Variants in CFAP299 observed in about 807,000 individuals in gnomAD.
CFAP299 encodes cilia and flagella associated protein 299.
Under a neutral mutation model 27.0 loss-of-function variants are expected in CFAP299, and 21 were observed. The ratio of observed to expected loss-of-function variants is 0.78; its 90% CI spans 0.55 to 1.12. The LOEUF (loss-of-function observed/expected upper bound fraction) is 1.12, where lower values mean the gene tolerates loss of function less well. CFAP299 is among the 50% of genes most tolerant of loss of function. The probability of loss-of-function intolerance (pLI) is 0.00; values close to 1 mark genes in which losing one functional copy is unlikely to be tolerated. For synonymous variants in CFAP299, 104 were observed against 98.1 expected (o/e 1.06, Z -0.36); for missense variants, 310 against 276.6 (o/e 1.12, Z -0.86).
rs147575838 is a variant in CFAP299, at chr4:80,944,419, T to A, written c.477-391T>A. Among the ~76,000 whole-genome samples, 617 of 152,276 alleles carry A rather than the reference T, an allele frequency of 4.1e-3. 1 individual carries two copies. The highest frequency in any genetic ancestry group is 0.014 in the Middle Eastern group (4 of 294). On this transcript the variant is annotated intron_variant, in intron 4 of 5. Transcript: ENST00000358105. The stretch of plus-strand genomic sequence containing the variant: ...AGAAGTGAATTTATTTGGAATTGTT[T>A]TGAATGAAAAGAGGTGATTTAGTGA...
intron 4 of CFAP299, among the ~76,000 whole-genome samples, chr4:80,934,343 A>G (rs1007590500): frequency 1.3e-5 from 2 of 152,026 alleles, no homozygotes; most frequent in African/African-American, 4.8e-5. Flanking sequence ...ATTTTCATCT[A>G]TGTTTATCAG....
chr4:80,685,018 A>C (rs1720094807), intron 3 of CFAP299, among the ~76,000 whole-genome samples: 2 of 152,312 alleles, frequency 1.3e-5, no homozygotes, highest in South Asian at 4.1e-4. Context: ...AATTACATAT[A>C]ATTTAAATAT....
chr4:80,755,828 C>A (rs1396473969), intron 3 of CFAP299, among the ~76,000 whole-genome samples: 1 of 152,038 alleles, frequency 6.6e-6, no homozygotes, highest in Non-Finnish European at 1.5e-5. Flanking sequence ...TGTTCCTTTC[C>A]TATGGTGCTT....
intron 3 of CFAP299, among the ~76,000 whole-genome samples, chr4:80,732,071 A>T (rs1723561954): frequency 2.3e-5 from 2 of 88,574 alleles, no homozygotes; most frequent in East Asian, 6.4e-4. Context: ...AGACACACAG[A>T]CACACACACA....
intron 2 of CFAP299, among the ~76,000 whole-genome samples, chr4:80,416,771 G>T (rs1388076760): frequency 6.6e-6 from 1 of 152,170 alleles, no homozygotes; most frequent in African/African-American, 2.4e-5. Flanking sequence ...ATTTGGTAAG[G>T]TTCGTAACAC....
intron 5 of CFAP299, among the ~76,000 whole-genome samples, chr4:80,946,771 C>G (rs1214961693): frequency 3.3e-5 from 5 of 152,160 alleles, no homozygotes; most frequent in Admixed American, 3.3e-4. Context: ...AACATACCTT[C>G]TCTCTAGTGG....
chr4:80,475,793 C>A (rs1730246570), intron 2 of CFAP299, among the ~76,000 whole-genome samples: 1 of 151,968 alleles, frequency 6.6e-6, no homozygotes, highest in Admixed American at 6.6e-5. Context: ...ATTAAGAACC[C>A]CTAAGGAGAG....
At chr4:80,576,623 T>C (rs1166240449) in intron 2 of CFAP299, among the ~76,000 whole-genome samples, 4 of 152,196 alleles carry the variant, frequency 2.6e-5, no homozygotes, top group African/African-American at 9.6e-5. Context: ...CTGTAAGCTA[T>C]GTTTTCATAG....
chr4:80,950,129 C>T (rs1401003585), intron 5 of CFAP299, among the ~76,000 whole-genome samples: 1 of 151,892 alleles, frequency 6.6e-6, no homozygotes, highest in Non-Finnish European at 1.5e-5. Flanking sequence ...CCCCAGTACT[C>T]AGAAAAGAAA....
At chr4:80,829,176 A>C (rs1017628046) in intron 3 of CFAP299, among the ~76,000 whole-genome samples, 26 of 152,056 alleles carry the variant, frequency 1.7e-4, no homozygotes, top group African/African-American at 6.0e-4. Flanking sequence ...CAAATCATAT[A>C]TCTGATAAGG....
chr4:80,386,720 T>G (rs1725027771), intron 2 of CFAP299: 1 of 1,564,724 alleles, frequency 6.4e-7, no homozygotes, highest in South Asian at 1.1e-5. Context: ...TTTGTGGAGC[T>G]TCATGCCGGA....
At chr4:80,684,185 G>A (rs1720023065) in intron 3 of CFAP299, among the ~76,000 whole-genome samples, 1 of 151,856 alleles carries the variant, frequency 6.6e-6, no homozygotes, top group Admixed American at 6.6e-5. Flanking sequence ...TCAGGTGTAT[G>A]TGACCATTGC....
At chr4:80,373,314 G>A (rs1464993799) in intron 2 of CFAP299, among the ~76,000 whole-genome samples, 1 of 152,028 alleles carries the variant, frequency 6.6e-6, no homozygotes, top group Non-Finnish European at 1.5e-5. Flanking sequence ...AGATTCAGTA[G>A]TCCATTAACT....
Position 80,594,812 on chromosome 4 carries a change from G to A in CFAP299, c.333+11629G>A, listed in dbSNP as rs185401513. On this transcript the variant is annotated intron_variant, in intron 3 of 5. Coordinates refer to ENST00000358105, the MANE Select transcript of CFAP299 (RefSeq NM_152770.3). ...TTTTCTCAAATATCTAGTGATTCTT[G>A]GTTGTTCATTAACATTTAAGAATAA... Among the ~76,000 whole-genome samples the A allele has an allele frequency of 2.6e-5, 4 of 152,064 alleles. No homozygotes were observed. In the East Asian group the frequency reaches 7.7e-4, roughly 29 times the overall value.
chr4:80,945,342 C>CCT (rs1737420430), intron 5 of CFAP299, among the ~76,000 whole-genome samples: 2 of 152,236 alleles, frequency 1.3e-5, no homozygotes, highest in Admixed American at 1.3e-4. Context: ...TTCTAATACC[C>CCT]CTCTGTGTAT....
chr4:80,859,280 C>G (rs1002281338), intron 3 of CFAP299, among the ~76,000 whole-genome samples: 17 of 152,198 alleles, frequency 1.1e-4, no homozygotes, highest in African/African-American at 3.1e-4. Flanking sequence ...TTCCTCCATC[C>G]TTTTATTTTG....
Position 80,662,063 on chromosome 4 carries a change from G to A in CFAP299, c.333+78880G>A, listed in dbSNP as rs190339263. Among the ~76,000 whole-genome samples the A allele has an allele frequency of 5.2e-3, 794 of 152,224 alleles. 5 individuals are homozygous for A. The highest frequency in any genetic ancestry group is 0.02 in the Middle Eastern group (6 of 294). The stretch of plus-strand genomic sequence containing the variant: ...GATAAGATGTTATCAATGACAATGC[G>A]TGCCCGAAACTTCATTAGCAATTTT... On this transcript the variant is annotated intron_variant, in intron 3 of 5. Transcript: ENST00000358105.
At chr4:80,950,316 G>A (rs1737712097) in intron 5 of CFAP299, among the ~76,000 whole-genome samples, 1 of 151,126 alleles carries the variant, frequency 6.6e-6, no homozygotes, top group Non-Finnish European at 1.5e-5. Context: ...GCTTAAAGGT[G>A]AATCTGGAAG....
At position 80,364,089 on chromosome 4, in the gene CFAP299, A is replaced by AAC. The variant is rs56300395; in HGVS notation, c.242+1233_242+1234dup. On this transcript the variant is annotated intron_variant, in intron 2 of 5. Coordinates refer to ENST00000358105, the MANE Select transcript of CFAP299 (RefSeq NM_152770.3). ...GCAACAGAGCGAGACTCCGTCTCAA[A>AAC]ACACACACACACACACACACACACA... is the stretch of plus-strand genomic sequence containing the variant. 1.2e-3 allele frequency among the ~76,000 whole-genome samples: 133 copies of AAC among 110,876 alleles called. 1 individual carries two copies. Among genetic ancestry groups the AAC allele is most frequent in the Non-Finnish European group, 1.4e-3 (79 of 56,676 alleles). The allele number at this position is 110,876 out of a possible 152,430, so 72.7% of individuals were successfully genotyped here.
Sources: gnomAD v4.1 joint callset for allele counts (sites outside exome capture counted in the v4.1 genomes callset) on GRCh38, gnomAD v4.1.1 for gene constraint, MANE v1.5 for transcripts, NCBI Gene and HGNC (gene_info 2026-07-23, HGNC 2026-07-21) for gene names.